Variants in CRYBB1 observed in about 807,000 individuals in gnomAD.
CRYBB1 encodes the protein beta-crystallin B1.
A neutral mutation model predicts 29.5 loss-of-function variants in CRYBB1; 16 were observed. The ratio of observed to expected loss-of-function variants is 0.54; its 90% confidence interval spans 0.37 to 0.82. CRYBB1 has a LOEUF of 0.82. Among genes scored for constraint, CRYBB1 ranks in the 40% least tolerant of loss-of-function variants. The pLI, the probability that CRYBB1 is intolerant of heterozygous loss-of-function variation, is 0.00. For synonymous variants in CRYBB1, 127 were observed against 136.7 expected (o/e 0.93, Z 0.49); for missense variants, 300 against 350.5 (o/e 0.86, Z 1.15).
intron 3 of CRYBB1, among the ~76,000 whole-genome samples, chr22:26,610,038 G>A (rs554604779): frequency 1.3e-5 from 1 of 77,732 alleles, no homozygotes; most frequent in East Asian, 3.9e-4. Context: ...CACTGATGTG[G>A]TCTTGCCACC....
chr22:26,607,976 G>T lies in CRYBB1; in HGVS notation c.345C>A (p.Ile115=). Residue 115 remains isoleucine (I), a synonymous_variant, in exon 4 of 6, where the codon ATC becomes ATA. Transcript: ENST00000647684. The stretch of plus-strand genomic sequence containing the variant: ...AGCGAGGGTACTCGCCCTTCTCCAG[G>T]ATGAACATCTCCCCGCGGAAGTTGG... ...EQSNFRGEMF[I]LEKGEYPRWN... is the part of the protein sequence containing the mutation. 1.2e-6 allele frequency: 2 copies of T among 1,614,226 alleles called. No individual in the cohort carries two copies. Among genetic ancestry groups the T allele is most frequent in the Non-Finnish European group, 8.5e-7 (1 of 1,180,052 alleles).
intron 3 of CRYBB1, among the ~76,000 whole-genome samples, chr22:26,610,606 G>A (rs1929126439): frequency 6.6e-6 from 1 of 152,212 alleles, no homozygotes. Context: ...CACTGAGGGT[G>A]CAGGAGGTAG....
rs139008200 is a variant in CRYBB1 at position 26,614,442 on chromosome 22, C to T, written c.180+1698G>A. On this transcript the variant is annotated intron_variant, in intron 2 of 5. Coordinates refer to ENST00000647684, the MANE Select transcript of CRYBB1 (RefSeq NM_001887.4). ...AATAGAAAAGAATCTATGTGAATAT[C>T]GGGGCAGGTTCCCCGATACCAGGAG... 2.4e-3 allele frequency among the ~76,000 whole-genome samples: 363 copies of T among 152,268 alleles called. 1 individual carries two copies. Among genetic ancestry groups the T allele is most frequent in the African/African-American group, 8.0e-3 (333 of 41,542 alleles).
chr22:26,603,139 A>AC (rs1380660143), intron 4 of CRYBB1, among the ~76,000 whole-genome samples: 12 of 106,306 alleles, frequency 1.1e-4, no homozygotes, highest in South Asian at 4.8e-4. Flanking sequence ...AAAAAAAAAA[A>AC]AAAAACAAAA....
At chr22:26,613,597 C>T (rs542965000) in intron 2 of CRYBB1, among the ~76,000 whole-genome samples, 1 of 152,338 alleles carries the variant, frequency 6.6e-6, no homozygotes, top group East Asian at 1.9e-4. Flanking sequence ...TACCCTTGTG[C>T]TTTCCTATGC....
chr22:26,616,081 G>A, intron 2 of CRYBB1, 59 bp downstream of exon 2: 1 of 1,317,628 alleles, frequency 7.6e-7, no homozygotes, highest in Non-Finnish European at 1.1e-6. Flanking sequence ...GAAGAAGGAG[G>A]AGGAGGGAAG....
chr22:26,601,402 G>A (rs1484491408), intron 5 of CRYBB1, among the ~76,000 whole-genome samples: 3 of 152,094 alleles, frequency 2.0e-5, no homozygotes, highest in Non-Finnish European at 2.9e-5. Context: ...AAGACTGAGA[G>A]GCAGAGAGGT....
At chr22:26,615,488 C>T (rs368771371) in intron 2 of CRYBB1, among the ~76,000 whole-genome samples, 52 of 152,070 alleles carry the variant, frequency 3.4e-4, no homozygotes, top group African/African-American at 1.2e-3. Flanking sequence ...TTGCACAACT[C>T]AACTATAGGT....
intron 1 of CRYBB1, among the ~76,000 whole-genome samples, 166 bp downstream of exon 1, chr22:26,617,811 C>CCCCTCT (rs1455865307): frequency 6.6e-5 from 10 of 152,010 alleles, no homozygotes; most frequent in African/African-American, 1.7e-4. Flanking sequence ...CTCACTCTCT[C>CCCCTCT]CCCTCTCCCT....
chr22:26,608,774 C>T (rs1384243060), intron 3 of CRYBB1, among the ~76,000 whole-genome samples: 2 of 151,878 alleles, frequency 1.3e-5, no homozygotes, highest in Non-Finnish European at 2.9e-5. Flanking sequence ...AAATACTGGC[C>T]TGGTATTCGG....
At position 26,608,462 on chromosome 22, in the gene CRYBB1, C is replaced by T. The variant is rs1027003838; in HGVS notation, c.300-441G>A. Among the ~76,000 whole-genome samples, 100 of 152,282 alleles carry T rather than the reference C, an allele frequency of 6.6e-4. 1 individual carries two copies. Among genetic ancestry groups the T allele is most frequent in the African/African-American group, 2.4e-3 (99 of 41,538 alleles). ...TGCCTTTAACACTTACTAATCTCTC[C>T]TTTTTTTCTTTTGTAACAAAGAGAG... On this transcript the variant is annotated intron_variant, in intron 3 of 5. Coordinates refer to ENST00000647684, the MANE Select transcript of CRYBB1 (RefSeq NM_001887.4).
At chr22:26,610,368 C>T (rs373706254) in intron 3 of CRYBB1, among the ~76,000 whole-genome samples, 3 of 152,158 alleles carry the variant, frequency 2.0e-5, no homozygotes, top group Non-Finnish European at 4.4e-5. Context: ...GCCCTGCCAG[C>T]GCCCACACAG....
chr22:26,613,435 G>A (rs538561373), intron 2 of CRYBB1, among the ~76,000 whole-genome samples: 84 of 152,356 alleles, frequency 5.5e-4, no homozygotes, highest in African/African-American at 1.9e-3. Context: ...ACTGGCTGAA[G>A]CCATGGCAGA....
Position 26,606,714 on chromosome 22 carries a change from A to G in CRYBB1, c.432+1175T>C, listed in dbSNP as rs1415581379. Among the ~76,000 whole-genome samples, 3 of 152,250 alleles carry G rather than the reference A, an allele frequency of 2.0e-5. No individual in the cohort carries two copies. The East Asian group carries it at 5.8e-4, about 29-fold the overall frequency. ...CATTAAGATAAATTTGGTGATGTCA[A>G]AACAGCTGGTGGTTGGCACTTGATA... is the stretch of plus-strand genomic sequence containing the variant. On this transcript the variant is annotated intron_variant, in intron 4 of 5. Coordinates refer to ENST00000647684, the MANE Select transcript of CRYBB1 (RefSeq NM_001887.4).
In CRYBB1 at chr22:26,615,648, G is replaced by A. The variant is rs571434021; in HGVS notation, c.180+492C>T. On this transcript the variant is annotated intron_variant, in intron 2 of 5. Transcript: ENST00000647684. ...CCTGCCTCAGCCTCCCAAGTAGCTGGGATTACAGGCGCCCACCACTACGCC... is the reference window on the plus strand; with the variant it reads ...CCTGCCTCAGCCTCCCAAGTAGCTGAGATTACAGGCGCCCACCACTACGCC... 1.1e-4 allele frequency among the ~76,000 whole-genome samples: 16 copies of A among 152,056 alleles called. No individual in the cohort carries two copies. In the South Asian group the frequency reaches 1.5e-3, roughly 14 times the overall value.
At chr22:26,600,819 C>G (rs1388583998) in intron 5 of CRYBB1, among the ~76,000 whole-genome samples, 2 of 152,186 alleles carry the variant, frequency 1.3e-5, no homozygotes, top group Non-Finnish European at 2.9e-5. Flanking sequence ...TTTGACCTGC[C>G]CTCTGCCCTA....
intron 4 of CRYBB1, among the ~76,000 whole-genome samples, chr22:26,605,601 G>T (rs1367936515): frequency 1.4e-5 from 2 of 144,930 alleles, no homozygotes; most frequent in African/African-American, 2.5e-5. Context: ...TTGCCCCAGG[G>T]AGGTGAAGGT....
chr22:26,609,597 G>A (rs1179233108), intron 3 of CRYBB1, among the ~76,000 whole-genome samples: 1 of 152,192 alleles, frequency 6.6e-6, no homozygotes, highest in Non-Finnish European at 1.5e-5. Context: ...AACACATGGT[G>A]GGTACGTGTG....
At chr22:26,616,856 G>A (rs1284111928) in intron 1 of CRYBB1, among the ~76,000 whole-genome samples, 3 of 152,206 alleles carry the variant, frequency 2.0e-5, no homozygotes, top group Non-Finnish European at 4.4e-5. Context: ...GGCCCAAACA[G>A]CTACTAAGTG....
Sources: allele counts gnomAD v4.1 joint callset (sites outside exome capture counted in the v4.1 genomes callset), GRCh38; gene constraint gnomAD v4.1.1; transcripts MANE v1.5; gene names NCBI Gene and HGNC (gene_info 2026-07-23, HGNC 2026-07-21).